The following HS6ST3 variants were observed in gnomAD, a reference collection of about 807,000 sequenced individuals.
HS6ST3 encodes the protein heparan sulfate 6-O-sulfotransferase 3, also known as heparan-sulfate 6-O-sulfotransferase 3.
A neutral mutation model predicts 36.7 loss-of-function variants in HS6ST3; 12 were observed. The observed-to-expected ratio is 0.33, with a 90% CI of 0.21 to 0.53. HS6ST3 has a LOEUF of 0.53. HS6ST3 is among the 20% of genes least tolerant of loss of function. The pLI, the probability that HS6ST3 is intolerant of heterozygous loss-of-function variation, is 0.95. For missense variants in HS6ST3, 584 were observed against 640.9 expected (o/e 0.91, Z 0.96); for synonymous variants, 240 against 257.5 (o/e 0.93, Z 0.65).
At chr13:96,683,145 GTATAA>G (rs1407512944) in intron 1 of HS6ST3, among the ~76,000 whole-genome samples, 4 of 152,012 alleles carry the variant, frequency 2.6e-5, no homozygotes, top group African/African-American at 4.8e-5. Context: ...AGATGGGAGT[GTATAA>G]TATATCGCTT....
intron 1 of HS6ST3, among the ~76,000 whole-genome samples, chr13:96,714,667 A>G (rs1178793720): frequency 2.0e-5 from 3 of 152,174 alleles, no homozygotes; most frequent in Non-Finnish European, 4.4e-5. Context: ...ATGCTTGCAT[A>G]TGTATATTGA....
chr13:96,436,849 T>C (rs563102872), intron 1 of HS6ST3, among the ~76,000 whole-genome samples: 7 of 152,162 alleles, frequency 4.6e-5, no homozygotes, highest in Non-Finnish European at 1.0e-4. Flanking sequence ...GTCCATGGTA[T>C]TTTTGTTATG....
In HS6ST3 at chr13:96,617,713, G is replaced by A. The variant is rs116600303; in HGVS notation, c.708-214777G>A. Among the ~76,000 whole-genome samples, 863 of 152,272 alleles carry A rather than the reference G, an allele frequency of 5.7e-3. 5 individuals are homozygous for A. The highest frequency in any genetic ancestry group is 0.02 in the African/African-American group (813 of 41,556). On this transcript the variant is annotated intron_variant, in intron 1 of 1. Coordinates refer to ENST00000376705, the MANE Select transcript of HS6ST3 (RefSeq NM_153456.4). ...TCAGTGGTTGGCAAGGGTTGGTCCC[G>A]AAGCAGCAGTATCAATCAACATCAC...
chr13:96,705,159 G>T (rs950288423), intron 1 of HS6ST3, among the ~76,000 whole-genome samples: 1 of 151,938 alleles, frequency 6.6e-6, no homozygotes, highest in African/African-American at 2.4e-5. Flanking sequence ...TTACATTCAG[G>T]CTCCCTCTTG....
At chr13:96,741,959 TGATTC>T (rs1876449836) in intron 1 of HS6ST3, among the ~76,000 whole-genome samples, 1 of 152,168 alleles carries the variant, frequency 6.6e-6, no homozygotes, top group Non-Finnish European at 1.5e-5. Context: ...GCCTTCTATG[TGATTC>T]ATTGGTTTCC....
chr13:96,143,149 A>G (rs1374622886), intron 1 of HS6ST3, among the ~76,000 whole-genome samples: 4 of 152,034 alleles, frequency 2.6e-5, no homozygotes, highest in African/African-American at 9.7e-5. Context: ...ATGAACACAG[A>G]TCCTATTGAT....
chr13:96,241,083 G>C (rs1388649247), intron 1 of HS6ST3, among the ~76,000 whole-genome samples: 1 of 151,868 alleles, frequency 6.6e-6, no homozygotes, highest in East Asian at 1.9e-4. Flanking sequence ...TTTATATTGG[G>C]AAGCTGAATG....
intron 1 of HS6ST3, among the ~76,000 whole-genome samples, chr13:96,372,966 CA>C (rs2055297078): frequency 6.6e-6 from 1 of 152,126 alleles, no homozygotes; most frequent in African/African-American, 2.4e-5. Context: ...AATTCAAAAT[CA>C]AGGGCTTGGC....
In HS6ST3 at chr13:96,473,023, C is replaced by A. The variant is rs553439684; in HGVS notation, c.708-359467C>A. On this transcript the variant is annotated intron_variant, in intron 1 of 1. Coordinates refer to ENST00000376705, the MANE Select transcript of HS6ST3 (RefSeq NM_153456.4). Reference sequence around the variant, plus strand: ...TAGAGAATCCATATATTTAGTATGACAAGCACATACTCAGACCCTAAAAGT... The same window carrying A: ...TAGAGAATCCATATATTTAGTATGAAAAGCACATACTCAGACCCTAAAAGT... 2.6e-3 allele frequency among the ~76,000 whole-genome samples: 391 copies of A among 152,220 alleles called. 1 individual carries two copies. The highest frequency in any genetic ancestry group is 4.3e-3 in the Non-Finnish European group (293 of 68,018).
At chr13:96,123,498 C>G (rs1276267014) in intron 1 of HS6ST3, among the ~76,000 whole-genome samples, 2 of 152,106 alleles carry the variant, frequency 1.3e-5, no homozygotes, top group East Asian at 1.9e-4. Flanking sequence ...TTGGAAAAGG[C>G]GAGTTGGAGC....
chr13:96,253,762 T>C (rs533457485), intron 1 of HS6ST3, among the ~76,000 whole-genome samples: 1 of 152,326 alleles, frequency 6.6e-6, no homozygotes, highest in Admixed American at 6.5e-5. Context: ...TATTTACTCG[T>C]CTGCATCCAG....
At chr13:96,567,150 CT>C (rs1378082570) in intron 1 of HS6ST3, among the ~76,000 whole-genome samples, 4 of 152,072 alleles carry the variant, frequency 2.6e-5, no homozygotes, top group Admixed American at 6.5e-5. Flanking sequence ...CTTCTCTCTT[CT>C]TTTTTTCTTC....
At chr13:96,186,007 GTGTA>G (rs1173371858) in intron 1 of HS6ST3, among the ~76,000 whole-genome samples, 2 of 152,262 alleles carry the variant, frequency 1.3e-5, no homozygotes, top group African/African-American at 4.8e-5. Flanking sequence ...ATGGATCTGA[GTGTA>G]TGTATGTATG....
At position 96,836,095 on chromosome 13, in the gene HS6ST3, C is replaced by T. The variant is rs3864; in HGVS notation, c.*2897C>T. 1.3e-5 allele frequency: 2 copies of T among 151,996 alleles called. No homozygotes were observed. Among genetic ancestry groups the T allele is most frequent in the South Asian group, 2.1e-4 (1 of 4,824 alleles). 9.4% of individuals were successfully genotyped at this position (151,996 alleles called of 1,614,324 possible). On this transcript the variant is annotated 3_prime_UTR_variant, in exon 2 of 2. Coordinates refer to ENST00000376705, the MANE Select transcript of HS6ST3 (RefSeq NM_153456.4). ...GAGTGATGCTCAGGGAAGTGATGCC[C>T]GCAGAAGGCGTCTGGGCCTAAGGAT... is the stretch of plus-strand genomic sequence containing the variant.
chr13:96,796,687 G>T (rs1313343654), intron 1 of HS6ST3, among the ~76,000 whole-genome samples: 2 of 152,036 alleles, frequency 1.3e-5, no homozygotes, highest in South Asian at 2.1e-4. Context: ...CTAGCAGCTT[G>T]CAGGTTTATT....
At chr13:96,404,628 G>A (rs2055467914) in intron 1 of HS6ST3, among the ~76,000 whole-genome samples, 1 of 152,170 alleles carries the variant, frequency 6.6e-6, no homozygotes, top group South Asian at 2.1e-4. Context: ...GAGTTGTAGG[G>A]CACCAAATAG....
In HS6ST3 at chr13:96,121,946, C is replaced by T. The variant is rs74566633; in HGVS notation, c.707+30377C>T. Among the ~76,000 whole-genome samples the T allele has an allele frequency of 3.8e-3, 577 of 152,102 alleles. 3 individuals are homozygous for T. Among genetic ancestry groups the T allele is most frequent in the African/African-American group, 0.013 (548 of 41,480 alleles). ...TCATTACCATGGCAATGAGGAGTAACGTTTGTGAAACCCATTGCCCCAAAA... is the reference window on the plus strand; with the variant it reads ...TCATTACCATGGCAATGAGGAGTAATGTTTGTGAAACCCATTGCCCCAAAA... On this transcript the variant is annotated intron_variant, in intron 1 of 1. Coordinates refer to ENST00000376705, the MANE Select transcript of HS6ST3 (RefSeq NM_153456.4).
chr13:96,751,908 A>G (rs1299789379), intron 1 of HS6ST3, among the ~76,000 whole-genome samples: 1 of 151,034 alleles, frequency 6.6e-6, no homozygotes, highest in Non-Finnish European at 1.5e-5. Flanking sequence ...TATATATATA[A>G]AATCATATGA....
intron 1 of HS6ST3, among the ~76,000 whole-genome samples, chr13:96,165,147 A>G (rs2054154476): frequency 6.6e-6 from 1 of 152,246 alleles, no homozygotes; most frequent in East Asian, 1.9e-4. Context: ...AAGGAGTTAC[A>G]TAATTTTCTT....
Sources: gnomAD v4.1 joint callset for allele counts (sites outside exome capture counted in the v4.1 genomes callset) on GRCh38, gnomAD v4.1.1 for gene constraint, MANE v1.5 for transcripts, NCBI Gene and HGNC (gene_info 2026-07-23, HGNC 2026-07-21) for gene names.